BIRC7: variants seen among roughly 807,000 people sequenced by gnomAD.
The protein encoded by BIRC7 is baculoviral IAP repeat-containing protein 7.
Under a neutral mutation model 33.2 loss-of-function variants are expected in BIRC7, and 26 were observed. The ratio of observed to expected loss-of-function variants is 0.78; its 90% CI spans 0.57 to 1.09. BIRC7 has a LOEUF of 1.09. Among genes scored for constraint, BIRC7 ranks in the 50% least tolerant of loss-of-function variants. The pLI is 0.00. For synonymous variants in BIRC7, 176 were observed against 171.0 expected (o/e 1.03, Z -0.23); for missense variants, 409 against 401.2 (o/e 1.02, Z -0.17).
chr20:63,237,934 C>T lies in BIRC7; in HGVS notation c.381C>T (p.Cys127=), dbSNP rs1377872188. The change falls in exon 2 of 7, where the codon TGC becomes TGT. Residue 127 remains cysteine, a synonymous_variant. Transcript: ENST00000217169. ...AGGACAAGGTGAGGTGCTTCTTCTG[C>T]TATGGGGGCCTGCAGAGCTGGAAGC... ...GHQDKVRCFF[C]YGGLQSWKRG... 2 of 1,608,072 alleles carry T rather than the reference C, an allele frequency of 1.2e-6. No individual in the cohort carries two copies. Among genetic ancestry groups the T allele is most frequent in the Admixed American group, 1.7e-5 (1 of 58,690 alleles).
In BIRC7 at chr20:63,238,424, A is replaced by G. The variant is rs1282091434; in HGVS notation, c.478A>G (p.Arg160Gly). Reference protein sequence around the residue: ...SCQFLLRSKGRDFVHSVQETH... With the variant: ...SCQFLLRSKGGDFVHSVQETH... ...TCAGTTCCTGCTCCGGTCAAAAGGA[A>G]GAGACTTTGTCCACAGTGTGCAGGA... The change falls in exon 3 of 7, where the codon AGA becomes GGA. Residue 160 changes from arginine to glycine, a missense_variant. Arg to Gly is a moderately radical substitution (Grantham distance 125). Transcript: ENST00000217169. The G allele has an allele frequency of 5.6e-6, 9 of 1,612,182 alleles. No individual in the cohort carries two copies. Among genetic ancestry groups the G allele is most frequent in the Non-Finnish European group, 7.6e-6 (9 of 1,179,876 alleles).
rs914849161 is a variant in BIRC7 at position 63,239,234 on chromosome 20, G to A, written c.649+1G>A. 23 of 1,588,374 alleles carry A rather than the reference G, an allele frequency of 1.4e-5. No homozygotes were observed. The highest frequency in any genetic ancestry group is 1.9e-5 in the Non-Finnish European group (22 of 1,171,122). Reference sequence around the variant, plus strand: ...CAGTCTGAAAGTGCCCAGGAGCCAGGTGCAGGCCCGGGACCCCCTGGGTGA... The same window carrying A: ...CAGTCTGAAAGTGCCCAGGAGCCAGATGCAGGCCCGGGACCCCCTGGGTGA... On this transcript the variant is annotated splice_donor_variant, in intron 5 of 6. Coordinates refer to ENST00000217169, the MANE Select transcript of BIRC7 (RefSeq NM_139317.3). LOFTEE classifies it high-confidence loss of function.
chr20:63,239,618 C>T lies in BIRC7; in HGVS notation c.*5+8C>T. ...CTTCCTGTCCTAGGCCAGGTGAGCG[C>T]CCCAGCACCACGCGCAGCCAGCCCT... On this transcript the variant is annotated splice_region_variant and intron_variant, in intron 6 of 6. Transcript: ENST00000217169. The T allele has an allele frequency of 6.3e-7, 1 of 1,583,960 alleles. No individual in the cohort carries two copies. The highest frequency in any genetic ancestry group is 8.5e-7 in the Non-Finnish European group (1 of 1,170,470).
chr20:63,239,237 C>T lies in BIRC7; in HGVS notation c.649+4C>T. The T allele has an allele frequency of 6.4e-7, 1 of 1,571,740 alleles. No individual in the cohort carries two copies. Among genetic ancestry groups the T allele is most frequent in the Non-Finnish European group, 8.6e-7 (1 of 1,163,008 alleles). ...TCTGAAAGTGCCCAGGAGCCAGGTG[C>T]AGGCCCGGGACCCCCTGGGTGAGGG... On this transcript the variant is annotated splice_donor_region_variant and intron_variant, in intron 5 of 6. Transcript: ENST00000217169.
Position 63,239,196 on chromosome 20 carries a change from C to T in BIRC7, c.612C>T (p.Pro204=). ...CTGGGTACCCTGAGCTGCCCACACC[C>T]AGGAGAGAGGTCCAGTCTGAAAGTG... ...PASGYPELPT[P]RREVQSESAQ... The change falls in exon 5 of 7, where the codon CCC becomes CCT. Residue 204 remains proline, a synonymous_variant. Coordinates refer to ENST00000217169, the MANE Select transcript of BIRC7 (RefSeq NM_139317.3). 1.2e-6 allele frequency: 2 copies of T among 1,612,884 alleles called. No homozygotes were observed. The highest frequency in any genetic ancestry group is 1.7e-6 in the Non-Finnish European group (2 of 1,179,982).
intron 5 of BIRC7, 30 bp downstream of exon 5, chr20:63,239,263 C>A (rs2066715161): frequency 6.2e-7 from 1 of 1,610,066 alleles, no homozygotes; most frequent in Non-Finnish European, 8.5e-7. Context: ...TGGGTGAGGG[C>A]TGGGGCAGGG....
chr20:63,239,398 T>C lies in BIRC7; in HGVS notation c.690T>C (p.Val230=). The C allele has an allele frequency of 6.2e-7, 1 of 1,604,900 alleles. No homozygotes were observed. Among genetic ancestry groups the C allele is most frequent in the Non-Finnish European group, 8.5e-7 (1 of 1,179,732 alleles). ...SPAEAQRAWW[V]LEPPGARDVE... ...CCGAGGCCCAGAGGGCGTGGTGGGT[T>C]CTTGAGCCCCCAGGAGCCAGGGATG... Residue 230 remains valine, a synonymous_variant, in exon 6 of 7, where the codon GTT becomes GTC. Transcript: ENST00000217169.
chr20:63,239,749 C>A, intron 6 of BIRC7, 139 bp downstream of exon 6: 1 of 1,226,086 alleles, frequency 8.2e-7, no homozygotes, highest in Non-Finnish European at 1.1e-6. Context: ...CCAGGTCCCG[C>A]TGATAGCGCC....
chr20:63,239,727 T>G (rs2066722080), intron 6 of BIRC7, 117 bp downstream of exon 6: 15 of 1,346,700 alleles, frequency 1.1e-5, no homozygotes, highest in Non-Finnish European at 1.5e-5. Context: ...TCAGCTTGTT[T>G]TTACCCGGCT....
chr20:63,239,796 G>C (rs2066722742), intron 6 of BIRC7, among the ~76,000 whole-genome samples, 186 bp downstream of exon 6: 1 of 152,216 alleles, frequency 6.6e-6, no homozygotes, highest in African/African-American at 2.4e-5. Context: ...CTTAGGTTGG[G>C]GCCTGGTCCT....
At chr20:63,240,235 C>A (rs1230689004) in intron 6 of BIRC7, 21 bp from the exon 7 acceptor site, 1 of 154,792 alleles carries the variant, frequency 6.5e-6, no homozygotes, top group East Asian at 1.9e-4. Flanking sequence ...ATTGACTCAC[C>A]CACCCCTCCT....
Position 63,239,223 on chromosome 20 carries a change from C to T in BIRC7, c.639C>T (p.Ala213=). The change falls in exon 5 of 7, where the codon GCC becomes GCT. Residue 213 remains alanine (A), a synonymous_variant. Coordinates refer to ENST00000217169, the MANE Select transcript of BIRC7 (RefSeq NM_139317.3). The stretch of plus-strand genomic sequence containing the variant: ...GGAGAGAGGTCCAGTCTGAAAGTGC[C>T]CAGGAGCCAGGTGCAGGCCCGGGAC... ...TPRREVQSES[A]QEPGGVSPAE... is the part of the protein sequence containing the mutation. 1 of 1,609,412 alleles carries T rather than the reference C, an allele frequency of 6.2e-7. No homozygotes were observed. The highest frequency in any genetic ancestry group is 8.5e-7 in the Non-Finnish European group (1 of 1,179,146).
In BIRC7 at chr20:63,239,042, T is replaced by C. The variant is rs1393955610; in HGVS notation, c.578-120T>C. 14 of 1,010,646 alleles carry C rather than the reference T, an allele frequency of 1.4e-5. No individual in the cohort carries two copies. In the East Asian group the frequency reaches 3.4e-4, roughly 25 times the overall value. The allele number at this position is 1,010,646 out of a possible 1,614,324, so 62.6% of individuals were successfully genotyped here. A position where few individuals can be genotyped will look rare whatever the true frequency, so the allele number is the denominator to read the frequency against. On this transcript the variant is annotated intron_variant, in intron 4 of 6. Coordinates refer to ENST00000217169, the MANE Select transcript of BIRC7 (RefSeq NM_139317.3). ...TGGGAAGAAGTGTCGGGAGCGGGGA[T>C]ACTCTGCAGCCCCTCCACTCCCGGC... is the stretch of plus-strand genomic sequence containing the variant.
chr20:63,239,420 G>T lies in BIRC7; in HGVS notation c.712G>T (p.Asp238Tyr). 1.2e-6 allele frequency: 2 copies of T among 1,606,356 alleles called. No individual in the cohort carries two copies. The highest frequency in any genetic ancestry group is 1.7e-6 in the Non-Finnish European group (2 of 1,179,888). ...WWVLEPPGAR[D>Y]VEAQLRRLQE... is the part of the protein sequence containing the mutation. ...GGTTCTTGAGCCCCCAGGAGCCAGG[G>T]ATGTGGAGGCGCAGCTGCGGCGGCT... The change falls in exon 6 of 7, where the codon GAT becomes TAT. Residue 238 changes from aspartate to tyrosine, a missense_variant. Physicochemically the swap from Asp to Tyr is radical, Grantham distance 160. Transcript: ENST00000217169.
rs778691522 is a variant in BIRC7, at chr20:63,239,562, G to T, written c.854G>T (p.Cys285Phe). 6.2e-7 allele frequency: 1 copy of T among 1,602,366 alleles called. No homozygotes were observed. Among genetic ancestry groups the T allele is most frequent in the Admixed American group, 1.7e-5 (1 of 59,958 alleles). ...CCCGGCCTGCAGCTGTGCCCCATCTGCAGAGCCCCCGTCCGCAGCCGCGTG... is the reference window on the plus strand; with the variant it reads ...CCCGGCCTGCAGCTGTGCCCCATCTTCAGAGCCCCCGTCCGCAGCCGCGTG... ...CAPGLQLCPICRAPVRSRVRT... is the reference protein window; with the variant it reads ...CAPGLQLCPIFRAPVRSRVRT... The change falls in exon 6 of 7, where the codon TGC (cysteine) becomes TTC (phenylalanine). Residue 285 changes from cysteine (C) to phenylalanine (F), a missense_variant. Cys to Phe is a radical substitution (Grantham distance 205, BLOSUM62 -2). Coordinates refer to ENST00000217169, the MANE Select transcript of BIRC7 (RefSeq NM_139317.3).
intron 4 of BIRC7, among the ~76,000 whole-genome samples, 155 bp from the exon 5 acceptor site, chr20:63,239,007 G>A (rs1284387293): frequency 6.6e-6 from 1 of 152,216 alleles, no homozygotes; most frequent in African/African-American, 2.4e-5. Context: ...CTGTTATGCT[G>A]TGGGAGGGGT....
chr20:63,239,715 C>A, intron 6 of BIRC7, 105 bp downstream of exon 6: 2 of 1,399,632 alleles, frequency 1.4e-6, no homozygotes, highest in Non-Finnish European at 1.9e-6. Flanking sequence ...CGGGTGGCAG[C>A]GTCAGCTTGT....
chr20:63,239,360 G>C lies in BIRC7; in HGVS notation c.652G>C (p.Gly218Arg). Residue 218 changes from glycine (G) to arginine (R), a missense_variant and splice_region_variant, in exon 6 of 7, where the codon GGG becomes CGG. Gly to Arg is a moderately radical substitution (Grantham distance 125). Transcript: ENST00000217169. ...VQSESAQEPG[G>R]VSPAEAQRAW... is the part of the protein sequence containing the mutation. ...ATTTCGCAGGCCTGTCCTCCTAGGA[G>C]GGGTCAGTCCAGCCGAGGCCCAGAG... 1 of 1,603,052 alleles carries C rather than the reference G, an allele frequency of 6.2e-7. No individual in the cohort carries two copies. The highest frequency in any genetic ancestry group is 8.5e-7 in the Non-Finnish European group (1 of 1,179,650).
chr20:63,239,358 GAGGGGTCAGTCC>G lies in BIRC7; in HGVS notation c.653_664del (p.Gly218_Pro221del), dbSNP rs2066716683. On this transcript the variant is annotated inframe_deletion and splice_region_variant, in exon 6 of 7. Coordinates refer to ENST00000217169, the MANE Select transcript of BIRC7 (RefSeq NM_139317.3). ...ACATTTCGCAGGCCTGTCCTCCTAG[GAGGGGTCAGTCC>G]AGCCGAGGCCCAGAGGGCGTGGTGG... is the stretch of plus-strand genomic sequence containing the variant. The G allele has an allele frequency of 6.2e-7, 1 of 1,602,928 alleles. No individual in the cohort carries two copies. Among genetic ancestry groups the G allele is most frequent in the African/African-American group, 1.3e-5 (1 of 74,896 alleles).
Sources: allele counts gnomAD v4.1 joint callset (sites outside exome capture counted in the v4.1 genomes callset), GRCh38; gene constraint gnomAD v4.1.1; transcripts MANE v1.5; gene names NCBI Gene and HGNC (gene_info 2026-07-23, HGNC 2026-07-21).